The following APP variants were observed in gnomAD, a reference collection of about 807,000 sequenced individuals.
APP encodes the protein amyloid beta precursor protein.
Under a neutral mutation model 101.4 loss-of-function variants are expected in APP, and 31 were observed. That is an observed-to-expected ratio of 0.31 (90% CI 0.23 to 0.41). The LOEUF is 0.41. APP is among the 10% of genes least tolerant of loss of function. The probability of loss-of-function intolerance (pLI) is 1.00; values close to 1 mark genes in which losing one functional copy is unlikely to be tolerated. For missense variants in APP, 839 were observed against 1,003.7 expected (o/e 0.84, Z 2.22); for synonymous variants, 366 against 364.4 (o/e 1.00, Z -0.05).
rs2061619969 is a variant in APP, at chr21:26,082,585, TC to T, written c.355+7357del. On this transcript the variant is annotated intron_variant, in intron 3 of 17. Coordinates refer to ENST00000346798, the MANE Select transcript of APP (RefSeq NM_000484.4). The stretch of plus-strand genomic sequence containing the variant: ...ACTCTTATCATGACCAATTACCTCT[TC>T]TTTTTGAAAAGTGAACTAGTTCCTA... Among the ~76,000 whole-genome samples, 3 of 152,250 alleles carry T rather than the reference TC, an allele frequency of 2.0e-5. No individual in the cohort carries two copies. The South Asian group carries it at 6.2e-4, about 31-fold the overall frequency.
intron 9 of APP, among the ~76,000 whole-genome samples, chr21:25,976,274 T>C (rs990071931): frequency 2.0e-5 from 3 of 151,860 alleles, no homozygotes; most frequent in African/African-American, 7.3e-5. Context: ...TGAGTCAAGG[T>C]TGGTCTTTTT....
chr21:26,003,681 T>A (rs1214423605), intron 6 of APP, among the ~76,000 whole-genome samples: 1 of 152,234 alleles, frequency 6.6e-6, no homozygotes, highest in Non-Finnish European at 1.5e-5. Context: ...CTGGTTCTCA[T>A]CTGCTGACAT....
intron 3 of APP, among the ~76,000 whole-genome samples, chr21:26,060,234 G>T (rs1204070735): frequency 6.6e-6 from 1 of 152,166 alleles, no homozygotes; most frequent in East Asian, 1.9e-4. Context: ...CCACCTACTT[G>T]TAGCCCCACA....
intron 13 of APP, among the ~76,000 whole-genome samples, chr21:25,916,292 G>A (rs761893963): frequency 1.9e-4 from 29 of 152,148 alleles, no homozygotes; most frequent in African/African-American, 4.6e-4. Context: ...GAGCCACTGC[G>A]CCTGGCCGTC....
rs371900538 is a variant in APP at position 26,050,560 on chromosome 21, C to CA, written c.662+439dup. 2.4e-3 allele frequency among the ~76,000 whole-genome samples: 354 copies of CA among 149,554 alleles called. 1 individual carries two copies. The highest frequency in any genetic ancestry group is 4.5e-3 in the African/African-American group (184 of 40,810). ...TGAAGGAAAAGAAATGATAAAAGGC[C>CA]AAAAAAAAACCCTTACACATCCACA... On this transcript the variant is annotated intron_variant, in intron 5 of 17. Transcript: ENST00000346798.
chr21:26,059,628 A>G (rs2046186093), intron 3 of APP, among the ~76,000 whole-genome samples: 1 of 152,246 alleles, frequency 6.6e-6, no homozygotes, highest in East Asian at 1.9e-4. Context: ...CAGTGGCTCA[A>G]GTCTGTAATC....
chr21:26,089,999 C>T lies in APP; in HGVS notation c.299G>A (p.Arg100Gln), dbSNP rs199741007. Residue 100 changes from arginine to glutamine, a missense_variant, in exon 3 of 18, where the codon CGG becomes CAG. By Grantham distance (43) the Arg-to-Gln change is conservative (BLOSUM62 1). Coordinates refer to ENST00000346798, the MANE Select transcript of APP (RefSeq NM_000484.4). The part of the protein sequence containing the change: ...QPVTIQNWCK[R>Q]GRKQCKTHPH... Reference sequence around the variant, plus strand: ...ATGGGTCTTGCACTGCTTGCGGCCCCGCTTGCACCAGTTCTGGATGGTCAC... The same window carrying T: ...ATGGGTCTTGCACTGCTTGCGGCCCTGCTTGCACCAGTTCTGGATGGTCAC... 9.9e-6 allele frequency: 16 copies of T among 1,614,074 alleles called. No homozygotes were observed. The highest frequency in any genetic ancestry group is 1.3e-5 in the African/African-American group (1 of 74,926).
intron 13 of APP, chr21:25,941,765 T>C (rs1783020): frequency 0.91 from 138,983 of 152,384 alleles, 63,442 homozygotes; most frequent in Non-Finnish European, 0.92. Context: ...TGACCGACCG[T>C]GCCTGGCCAA....
At chr21:26,059,844 T>G (rs1051118000) in intron 3 of APP, among the ~76,000 whole-genome samples, 2 of 122,116 alleles carry the variant, frequency 1.6e-5, no homozygotes, top group African/African-American at 3.1e-5. Context: ...TGAGCCAAGA[T>G]AGCACCACTG....
At chr21:25,910,368 G>A (rs978650279) in intron 14 of APP, among the ~76,000 whole-genome samples, 17 of 152,050 alleles carry the variant, frequency 1.1e-4, no homozygotes, top group African/African-American at 4.1e-4. Flanking sequence ...CTGACCTTGC[G>A]ATCTGCCCAC....
At chr21:25,898,563 T>C (rs1188021573) in intron 15 of APP, among the ~76,000 whole-genome samples, 6 of 152,206 alleles carry the variant, frequency 3.9e-5, no homozygotes, top group East Asian at 1.9e-4. Flanking sequence ...CAGGGGCAGA[T>C]TGTCAGTTCC....
intron 2 of APP, among the ~76,000 whole-genome samples, chr21:26,106,020 C>T (rs1349425417): frequency 1.3e-5 from 2 of 152,162 alleles, no homozygotes; most frequent in African/African-American, 4.8e-5. Flanking sequence ...GGTGGTGGCT[C>T]CAAGGGCAGA....
intron 17 of APP, among the ~76,000 whole-genome samples, chr21:25,885,003 TTC>T (rs2037233432): frequency 6.6e-6 from 1 of 152,250 alleles, no homozygotes. Context: ...TTTTCTTGGC[TTC>T]TGTTTTGCTA....
At chr21:26,069,380 C>G (rs564940017) in intron 3 of APP, among the ~76,000 whole-genome samples, 154 of 152,106 alleles carry the variant, frequency 1.0e-3, no homozygotes, top group Non-Finnish European at 1.4e-3. Context: ...TCCCATAGTT[C>G]CTCTCCCTTC....
chr21:26,053,585 G>A (rs1286864476), intron 3 of APP: 1 of 412,440 alleles, frequency 2.4e-6, no homozygotes. Context: ...AAGTGAAATT[G>A]TCCCTTAATT....
At chr21:26,116,277 T>C (rs1364721040) in intron 1 of APP, among the ~76,000 whole-genome samples, 1 of 152,168 alleles carries the variant, frequency 6.6e-6, no homozygotes, top group African/African-American at 2.4e-5. Flanking sequence ...ATATTTTTGT[T>C]ACCAGAAAAA....
intron 2 of APP, among the ~76,000 whole-genome samples, chr21:26,098,778 T>G (rs1367690871): frequency 3.3e-5 from 5 of 152,256 alleles, no homozygotes; most frequent in Non-Finnish European, 7.3e-5. Context: ...TATTTCTTTT[T>G]GAAAACGCTA....
chr21:25,997,867 T>C (rs2146668326), intron 7 of APP, among the ~76,000 whole-genome samples: 1 of 152,330 alleles, frequency 6.6e-6, no homozygotes, highest in African/African-American at 2.4e-5. Flanking sequence ...TACATTATTC[T>C]GTCACCTTTC....
intron 11 of APP, among the ~76,000 whole-genome samples, chr21:25,958,939 T>C (rs1476190579): frequency 6.6e-6 from 1 of 152,152 alleles, no homozygotes; most frequent in Non-Finnish European, 1.5e-5. Flanking sequence ...TGGTGAGGCA[T>C]GAAGCACAAA....
Sources: gnomAD v4.1 joint callset for allele counts (sites outside exome capture counted in the v4.1 genomes callset) on GRCh38, gnomAD v4.1.1 for gene constraint, MANE v1.5 for transcripts, NCBI Gene and HGNC (gene_info 2026-07-23, HGNC 2026-07-21) for gene names.